The following STXBP5 variants were observed in gnomAD, a reference collection of about 807,000 sequenced individuals.
The protein encoded by STXBP5 is syntaxin binding protein 5.
STXBP5 carries 50 observed loss-of-function variants against 152.4 expected under a neutral mutation model. That is an observed-to-expected ratio of 0.33 (90% CI 0.26 to 0.42). The LOEUF is 0.42. STXBP5 is among the 10% of genes least tolerant of loss of function. The pLI is 1.00. For synonymous variants in STXBP5, 492 were observed against 494.7 expected, an observed-to-expected ratio of 0.99 and a Z score of 0.07; for missense variants, 1,167 against 1,388.6, an observed-to-expected ratio of 0.84 and a Z score of 2.54.
intron 16 of STXBP5, among the ~76,000 whole-genome samples, chr6:147,322,605 G>A (rs1782991390): frequency 6.6e-6 from 1 of 152,174 alleles, no homozygotes; most frequent in Non-Finnish European, 1.5e-5. Flanking sequence ...TCTTCCTGCT[G>A]TTCTCTCACA....
At chr6:147,213,434 ATGTG>A (rs1159372834) in intron 2 of STXBP5, among the ~76,000 whole-genome samples, 2,395 of 85,490 alleles carry the variant, frequency 0.028, 34 homozygotes, top group Middle Eastern at 0.043. Context: ...AATTTTATAT[ATGTG>A]TGTGTGTGTG....
At chr6:147,353,848 C>A (rs971915345) in intron 22 of STXBP5, among the ~76,000 whole-genome samples, 1 of 152,078 alleles carries the variant, frequency 6.6e-6, no homozygotes, top group Non-Finnish European at 1.5e-5. Flanking sequence ...GGAAATATTT[C>A]TTCCACAGCA....
Position 147,204,695 on chromosome 6 carries a change from C to T in STXBP5, c.150+13C>T. On this transcript the variant is annotated intron_variant, in intron 1 of 27. Coordinates refer to ENST00000321680, the MANE Select transcript of STXBP5 (RefSeq NM_001127715.4). This position sits in a 1 kb window ranked among gnomAD's most constrained non-coding sequence, Gnocchi z 4.3. ...TCAGCTCTGCAAGGTGAACGGAGCG[C>T]GCAGCCCCGCGACACCGTCATTGAA... 6.4e-7 allele frequency: 1 copy of T among 1,551,296 alleles called. No homozygotes were observed. Among genetic ancestry groups the T allele is most frequent in the South Asian group, 1.2e-5 (1 of 85,348 alleles).
At chr6:147,242,512 T>G (rs1305736657) in intron 4 of STXBP5, among the ~76,000 whole-genome samples, 2 of 152,152 alleles carry the variant, frequency 1.3e-5, no homozygotes, top group African/African-American at 2.4e-5. Flanking sequence ...CAACTTCCAT[T>G]CCTGCAAGCT....
intron 25 of STXBP5, among the ~76,000 whole-genome samples, chr6:147,366,645 C>A (rs987050664): frequency 1.3e-5 from 2 of 152,194 alleles, no homozygotes; most frequent in African/African-American, 4.8e-5. Context: ...TAAAAAGACA[C>A]TTGTAATTGG....
intron 19 of STXBP5, among the ~76,000 whole-genome samples, chr6:147,335,524 C>A (rs1223794312): frequency 1.3e-5 from 2 of 152,030 alleles, no homozygotes; most frequent in African/African-American, 4.8e-5. Context: ...AGATTCAGCC[C>A]AAATAAATTA....
chr6:147,240,316 T>C (rs982499089), intron 4 of STXBP5, among the ~76,000 whole-genome samples: 4 of 152,178 alleles, frequency 2.6e-5, no homozygotes, highest in African/African-American at 9.7e-5. Context: ...GCACGAAATA[T>C]GAGTAAGGAT....
chr6:147,284,045 A>T (rs1780832645), intron 8 of STXBP5, among the ~76,000 whole-genome samples: 1 of 152,236 alleles, frequency 6.6e-6, no homozygotes, highest in African/African-American at 2.4e-5. Flanking sequence ...CATATTCTTT[A>T]ATCCCAAATA....
At chr6:147,334,123 A>G in intron 18 of STXBP5, 34 bp from the exon 19 acceptor site, 6 of 1,600,556 alleles carry the variant, frequency 3.7e-6, no homozygotes, top group African/African-American at 1.3e-5. Flanking sequence ...ACATAAATGT[A>G]TGGGTTGATT....
At chr6:147,275,549 C>CTTTTT (rs71031021) in intron 7 of STXBP5, among the ~76,000 whole-genome samples, 1 of 64,454 alleles carries the variant, frequency 1.6e-5, no homozygotes. Context: ...AGTAAATATT[C>CTTTTT]TTTTTTTTTT....
intron 11 of STXBP5, 140 bp downstream of exon 11, chr6:147,311,667 C>G (rs1782383535): frequency 1.7e-6 from 1 of 583,446 alleles, no homozygotes; most frequent in Non-Finnish European, 2.9e-6. Context: ...GAGCTCCAGA[C>G]TCACATATCT....
Position 147,313,929 on chromosome 6 carries a change from C to T in STXBP5, c.1191C>T (p.Ser397=). The part of the protein sequence containing the change: ...ENPYPLSIHE[S]PVTCCEYFAD... Reference sequence around the variant, plus strand: ...CCTACCCTTTGAGTATACATGAGTCCCCTGTTACATGTTGCGAATATTTTG... The same window carrying T: ...CCTACCCTTTGAGTATACATGAGTCTCCTGTTACATGTTGCGAATATTTTG... Residue 397 remains serine (S), a synonymous_variant, in exon 12 of 28, where the codon TCC becomes TCT. Coordinates refer to ENST00000321680, the MANE Select transcript of STXBP5 (RefSeq NM_001127715.4). 2 of 1,597,348 alleles carry T rather than the reference C, an allele frequency of 1.3e-6. No homozygotes were observed. The highest frequency in any genetic ancestry group is 8.6e-7 in the Non-Finnish European group (1 of 1,168,790).
At chr6:147,338,174 A>G (rs986834408) in intron 19 of STXBP5, among the ~76,000 whole-genome samples, 6 of 152,232 alleles carry the variant, frequency 3.9e-5, no homozygotes, top group Admixed American at 2.0e-4. Flanking sequence ...TTCTACATGT[A>G]ACGCACTCCA....
chr6:147,378,958 A>AAGTTTC (rs2128421738), intron 26 of STXBP5, among the ~76,000 whole-genome samples: 1 of 152,232 alleles, frequency 6.6e-6, no homozygotes, highest in Admixed American at 6.5e-5. Flanking sequence ...TTCTTGTTGG[A>AAGTTTC]AGTTTCAGGA....
At chr6:147,235,375 G>C in intron 3 of STXBP5, 44 bp downstream of exon 3, 1 of 1,487,086 alleles carries the variant, frequency 6.7e-7, no homozygotes, top group South Asian at 1.2e-5. Flanking sequence ...TCCAAAATAG[G>C]GCCACTTCTA....
intron 10 of STXBP5, among the ~76,000 whole-genome samples, chr6:147,310,580 T>C (rs975715469): frequency 6.6e-6 from 1 of 152,032 alleles, no homozygotes; most frequent in Non-Finnish European, 1.5e-5. Context: ...AGAAATTGGC[T>C]CACACTGTTG....
At chr6:147,297,534 T>G (rs1285780522) in intron 9 of STXBP5, among the ~76,000 whole-genome samples, 2 of 152,158 alleles carry the variant, frequency 1.3e-5, no homozygotes, top group African/African-American at 2.4e-5. Flanking sequence ...CAGATAGAGA[T>G]AAATTTGTAA....
chr6:147,217,611 C>G (rs1463999540), intron 2 of STXBP5, among the ~76,000 whole-genome samples: 2 of 152,186 alleles, frequency 1.3e-5, no homozygotes, highest in African/African-American at 4.8e-5. Flanking sequence ...TTCAACCACT[C>G]TAATTTGTTC....
Position 147,373,809 on chromosome 6 carries a change from G to A in STXBP5, c.3160G>A (p.Gly1054Ser). 2 of 1,613,596 alleles carry A rather than the reference G, an allele frequency of 1.2e-6. No homozygotes were observed. Among genetic ancestry groups the A allele is most frequent in the Non-Finnish European group, 1.7e-6 (2 of 1,179,656 alleles). ...GGGATTCTTTAAAGGCTTATTTGGA[G>A]GTGGTGCACAATCTCTTGACAGAGA... ...NRGFFKGLFG[G>S]GAQSLDREEL... The change falls in exon 26 of 28, where the codon GGT (glycine) becomes AGT (serine). Residue 1054 changes from glycine (G) to serine (S), a missense_variant. By Grantham distance (56) the Gly-to-Ser change is moderately conservative. Transcript: ENST00000321680.
Sources: allele counts gnomAD v4.1 joint callset (sites outside exome capture counted in the v4.1 genomes callset), GRCh38; gene constraint gnomAD v4.1.1; non-coding constraint Gnocchi (gnomAD v3.1); transcripts MANE v1.5; gene names NCBI Gene and HGNC (gene_info 2026-07-23, HGNC 2026-07-21).